Variants in ARL15 observed in about 807,000 individuals in gnomAD.
ARL15 encodes ADP-ribosylation factor-like protein 15.
ARL15 carries 19 observed loss-of-function variants against 25.2 expected under a neutral mutation model. That is an observed-to-expected ratio of 0.75 (90% CI 0.53 to 1.10). The LOEUF is 1.10. Among genes scored for constraint, ARL15 ranks in the 50% least tolerant of loss-of-function variants. The probability of loss-of-function intolerance (pLI) is 0.00; values close to 1 mark genes in which losing one functional copy is unlikely to be tolerated. For synonymous variants in ARL15, 94 were observed against 86.8 expected, an observed-to-expected ratio of 1.08 and a Z score of -0.46; for missense variants, 220 against 246.0, an observed-to-expected ratio of 0.89 and a Z score of 0.71.
At chr5:54,276,041 CCAT>C (rs1449597681) in intron 1 of ARL15, among the ~76,000 whole-genome samples, 1 of 152,082 alleles carries the variant, frequency 6.6e-6, no homozygotes, top group East Asian at 1.9e-4. Flanking sequence ...CTGGCACACA[CCAT>C]CATGCCTGGC....
chr5:54,163,789 T>A (rs1037659297), intron 2 of ARL15, among the ~76,000 whole-genome samples: 5 of 152,082 alleles, frequency 3.3e-5, no homozygotes, highest in African/African-American at 1.2e-4. Flanking sequence ...TTGTGTCTTT[T>A]TTATTTTTTC....
intron 4 of ARL15, among the ~76,000 whole-genome samples, chr5:53,936,417 A>C (rs928480293): frequency 1.3e-5 from 2 of 152,226 alleles, no homozygotes; most frequent in African/African-American, 4.8e-5. Context: ...CAGATGTCTG[A>C]GTCTAAAACC....
chr5:54,273,328 T>C (rs1757839211), intron 1 of ARL15, among the ~76,000 whole-genome samples: 1 of 152,208 alleles, frequency 6.6e-6, no homozygotes, highest in South Asian at 2.1e-4. Context: ...CACCCTGTGC[T>C]CCTGCTGAGA....
chr5:54,035,643 T>G (rs1750144035), intron 4 of ARL15, among the ~76,000 whole-genome samples: 1 of 152,200 alleles, frequency 6.6e-6, no homozygotes, highest in Non-Finnish European at 1.5e-5. Context: ...TTAGCAAATC[T>G]TTAAGAAATA....
At chr5:54,199,147 C>G (rs1176085232) in intron 1 of ARL15, among the ~76,000 whole-genome samples, 1 of 152,142 alleles carries the variant, frequency 6.6e-6, no homozygotes, top group Non-Finnish European at 1.5e-5. Context: ...AAAATCAATT[C>G]CAGATGGATT....
chr5:53,986,807 A>G (rs1748313859), intron 4 of ARL15, among the ~76,000 whole-genome samples: 1 of 152,226 alleles, frequency 6.6e-6, no homozygotes, highest in Non-Finnish European at 1.5e-5. Context: ...GAAGCCTGAC[A>G]GAGTCCTTTG....
At chr5:53,972,547 C>T (rs1337219190) in intron 4 of ARL15, among the ~76,000 whole-genome samples, 6 of 152,062 alleles carry the variant, frequency 3.9e-5, no homozygotes, top group Non-Finnish European at 8.8e-5. Flanking sequence ...TATTAGGTTG[C>T]ACCAGGTAAC....
chr5:54,282,139 TA>T, intron 1 of ARL15: 1 of 501,466 alleles, frequency 2.0e-6, no homozygotes, highest in Non-Finnish European at 2.6e-6. Flanking sequence ...TATTGCTTTC[TA>T]AAGTGGTTGT....
At chr5:53,986,576 G>T (rs115101978) in intron 4 of ARL15, among the ~76,000 whole-genome samples, 1 of 152,320 alleles carries the variant, frequency 6.6e-6, no homozygotes, top group Non-Finnish European at 1.5e-5. Context: ...TCCAATGCAG[G>T]TGGTCTCTGA....
At chr5:54,132,320 T>C (rs888855342) in intron 3 of ARL15, among the ~76,000 whole-genome samples, 4 of 152,080 alleles carry the variant, frequency 2.6e-5, no homozygotes, top group Non-Finnish European at 4.4e-5. Context: ...ATGCATTTAA[T>C]ATAATAAACA....
chr5:54,204,660 A>G (rs1382028345), intron 1 of ARL15, among the ~76,000 whole-genome samples: 2 of 152,126 alleles, frequency 1.3e-5, no homozygotes, highest in Admixed American at 1.3e-4. Flanking sequence ...TTTTTTCTCA[A>G]CCTCTTTACA....
chr5:54,049,809 TG>T (rs1320621915), intron 4 of ARL15, among the ~76,000 whole-genome samples: 1 of 151,998 alleles, frequency 6.6e-6, no homozygotes, highest in Non-Finnish European at 1.5e-5. Context: ...TGAACTCAAG[TG>T]ATCTTCCCAC....
chr5:54,032,241 A>T lies in ARL15; in HGVS notation c.462+80961T>A, dbSNP rs116577501. On this transcript the variant is annotated intron_variant, in intron 4 of 4. Coordinates refer to ENST00000504924, the MANE Select transcript of ARL15 (RefSeq NM_019087.3). ...CATGGGTTTTTTTATTCTTCTTCTTATTTTTTTTTTGAGACAGAGTCTCAC... is the reference window on the plus strand; with the variant it reads ...CATGGGTTTTTTTATTCTTCTTCTTTTTTTTTTTTTGAGACAGAGTCTCAC... Among the ~76,000 whole-genome samples, 792 of 148,394 alleles carry T rather than the reference A, an allele frequency of 5.3e-3. 3 individuals carry two copies. The highest frequency in any genetic ancestry group is 0.012 in the Admixed American group (172 of 14,838).
At chr5:54,281,696 A>G (rs1758066642) in intron 1 of ARL15, among the ~76,000 whole-genome samples, 1 of 152,200 alleles carries the variant, frequency 6.6e-6, no homozygotes, top group Non-Finnish European at 1.5e-5. Flanking sequence ...AGGTAATCAC[A>G]ATATGAATTT....
At chr5:54,149,189 G>A (rs754440185) in intron 3 of ARL15, among the ~76,000 whole-genome samples, 5 of 152,230 alleles carry the variant, frequency 3.3e-5, no homozygotes, top group Admixed American at 6.5e-5. Flanking sequence ...GGCAATGATA[G>A]AAGAGATTTT....
chr5:54,277,904 C>T (rs1408320031), intron 1 of ARL15, among the ~76,000 whole-genome samples: 2 of 152,172 alleles, frequency 1.3e-5, no homozygotes, highest in African/African-American at 2.4e-5. Flanking sequence ...TTCAGTTTTA[C>T]GCAGCTGTTG....
At chr5:53,919,333 T>C (rs2112010394) in intron 4 of ARL15, among the ~76,000 whole-genome samples, 1 of 152,348 alleles carries the variant, frequency 6.6e-6, no homozygotes, top group Non-Finnish European at 1.5e-5. Flanking sequence ...GAATGCAGAA[T>C]GGTTTGCAGA....
rs143262815 is a variant in ARL15, at chr5:53,959,617, G to A, written c.463-72904C>T. Among the ~76,000 whole-genome samples the A allele has an allele frequency of 2.6e-5, 4 of 152,158 alleles. No homozygotes were observed. The East Asian group carries it at 7.7e-4, about 29-fold the overall frequency. ...ACGATACTCTGCCTCTTTTCCTCTG[G>A]CACTGGCTATAGAGGTGCAGTTCTC... is the stretch of plus-strand genomic sequence containing the variant. On this transcript the variant is annotated intron_variant, in intron 4 of 4. Transcript: ENST00000504924.
chr5:54,082,606 C>T (rs906734803), intron 4 of ARL15, among the ~76,000 whole-genome samples: 2 of 152,166 alleles, frequency 1.3e-5, no homozygotes, highest in African/African-American at 2.4e-5. Context: ...TAATCAACTC[C>T]TACCAAGATA....
Sources: allele counts gnomAD v4.1 joint callset (sites outside exome capture counted in the v4.1 genomes callset), GRCh38; gene constraint gnomAD v4.1.1; transcripts MANE v1.5; gene names NCBI Gene and HGNC (gene_info 2026-07-23, HGNC 2026-07-21).